The following SORBS2 variants were observed in gnomAD, a reference collection of about 807,000 sequenced individuals.
SORBS2 encodes the protein sorbin and SH3 domain containing 2.
A neutral mutation model predicts 97.7 loss-of-function variants in SORBS2; 46 were observed. The ratio of observed to expected loss-of-function variants is 0.47; its 90% CI spans 0.37 to 0.60. The LOEUF (loss-of-function observed/expected upper bound fraction) is 0.60. Ranked by LOEUF, SORBS2 falls within the 20% of genes least tolerant of loss-of-function variation. The pLI is 0.00. For missense variants in SORBS2, 1,316 were observed against 1,282.3 expected, an observed-to-expected ratio of 1.03 and a Z score of -0.40; for synonymous variants, 476 against 473.4, an observed-to-expected ratio of 1.01 and a Z score of -0.07.
chr4:185,909,404 G>T (rs1051338223), intron 1 of SORBS2, among the ~76,000 whole-genome samples: 2 of 152,222 alleles, frequency 1.3e-5, no homozygotes, highest in East Asian at 3.9e-4. Flanking sequence ...TGGGGAGGGG[G>T]TGGATGATGA....
At position 185,722,817 on chromosome 4, in the gene SORBS2, T is replaced by C. The variant is rs1029040718; in HGVS notation, c.-197-43995A>G. ...ACACTTTTAATGTCACCCAAAAGCC[T>C]ACCCAAAGTGCCCAGGAAAATAAAC... On this transcript the variant is annotated intron_variant, in intron 2 of 20. Transcript: ENST00000284776. Among the ~76,000 whole-genome samples, 10 of 152,356 alleles carry C rather than the reference T, an allele frequency of 6.6e-5. No individual in the cohort carries two copies. The South Asian group carries it at 2.1e-3, about 32-fold the overall frequency.
intron 2 of SORBS2, among the ~76,000 whole-genome samples, chr4:185,705,501 G>A (rs999630150): frequency 4.0e-5 from 6 of 151,740 alleles, no homozygotes; most frequent in East Asian, 1.9e-4. Context: ...AGCCAAGGTC[G>A]CGCCACTGTA....
rs1391967986 is a variant in SORBS2, at chr4:185,884,180, T to G, written c.-338+72016A>C. ...TATCTAAAATGGTTGAATTTTATTG[T>G]ACATAAATTATACCTCAATAAACCT... On this transcript the variant is annotated intron_variant, in intron 1 of 20. Transcript: ENST00000284776. Among the ~76,000 whole-genome samples, 15 of 152,248 alleles carry G rather than the reference T, an allele frequency of 9.9e-5. 1 individual carries two copies. The highest frequency in any genetic ancestry group is 9.8e-4 in the Admixed American group (15 of 15,284).
chr4:185,651,562 C>T (rs1581844813), intron 2 of SORBS2, among the ~76,000 whole-genome samples: 1 of 152,118 alleles, frequency 6.6e-6, no homozygotes, highest in East Asian at 1.9e-4. Context: ...GAGAATAAAC[C>T]AACAGTGGGA....
intron 2 of SORBS2, among the ~76,000 whole-genome samples, chr4:185,683,549 A>G (rs10022965): frequency 0.1 from 15,304 of 152,174 alleles, 845 homozygotes; most frequent in African/African-American, 0.14. Flanking sequence ...TTTTTCTAAC[A>G]CCTTTTTATG....
intron 4 of SORBS2, among the ~76,000 whole-genome samples, chr4:185,667,344 C>T (rs1237065658): frequency 6.6e-6 from 1 of 152,108 alleles, no homozygotes; most frequent in African/African-American, 2.4e-5. Flanking sequence ...TTCATAATGA[C>T]TGATGTCATG....
chr4:185,910,326 G>GA (rs1427059033), intron 1 of SORBS2, among the ~76,000 whole-genome samples: 1 of 152,106 alleles, frequency 6.6e-6, no homozygotes, highest in Non-Finnish European at 1.5e-5. Context: ...ATCTCTTACT[G>GA]AAAAGAAATG....
At chr4:185,636,453 T>A (rs903723747) in intron 4 of SORBS2, among the ~76,000 whole-genome samples, 2 of 152,158 alleles carry the variant, frequency 1.3e-5, no homozygotes, top group Non-Finnish European at 1.5e-5. Flanking sequence ...ATGGTCCATA[T>A]GCAAGTATAT....
intron 1 of SORBS2, among the ~76,000 whole-genome samples, chr4:185,850,875 A>T (rs1441022960): frequency 6.6e-6 from 1 of 152,148 alleles, no homozygotes; most frequent in African/African-American, 2.4e-5. Flanking sequence ...GCATCATCTC[A>T]TCTGTTGAGG....
chr4:185,644,368 G>T (rs969536863), intron 4 of SORBS2, among the ~76,000 whole-genome samples: 29 of 152,110 alleles, frequency 1.9e-4, no homozygotes, highest in African/African-American at 6.5e-4. Flanking sequence ...ACTACTTAGG[G>T]CCTAAGTTTC....
intron 4 of SORBS2, 48 bp from the exon 16 acceptor site, chr4:185,635,459 G>T: frequency 7.1e-7 from 1 of 1,416,208 alleles, no homozygotes; most frequent in Non-Finnish European, 1.0e-6. Flanking sequence ...ATGGAATGGA[G>T]GAGAGTCAAT....
At chr4:185,816,916 A>G (rs1235051529) in intron 1 of SORBS2, among the ~76,000 whole-genome samples, 2 of 152,242 alleles carry the variant, frequency 1.3e-5, no homozygotes, top group African/African-American at 4.8e-5. Flanking sequence ...CACTGTGTGT[A>G]GCCCATTAGT....
At chr4:185,674,944 TTATTAA>T (rs1367811662) in intron 4 of SORBS2, among the ~76,000 whole-genome samples, 1 of 152,232 alleles carries the variant, frequency 6.6e-6, no homozygotes, top group African/African-American at 2.4e-5. Flanking sequence ...ACTCCAGTTC[TTATTAA>T]TGCTTGCTCC....
At chr4:185,932,783 C>T (rs1013999292) in intron 1 of SORBS2, among the ~76,000 whole-genome samples, 2 of 152,208 alleles carry the variant, frequency 1.3e-5, no homozygotes, top group African/African-American at 4.8e-5. Context: ...CTATGACTTA[C>T]CCTCTGAAGA....
At chr4:185,951,904 A>G (rs890119588) in intron 1 of SORBS2, among the ~76,000 whole-genome samples, 2 of 152,242 alleles carry the variant, frequency 1.3e-5, no homozygotes, top group African/African-American at 4.8e-5. Flanking sequence ...CCAGGCAATC[A>G]TAAATTAGAA....
chr4:185,735,376 A>AT (rs71593648), intron 2 of SORBS2, among the ~76,000 whole-genome samples: 41,448 of 141,792 alleles, frequency 0.29, 6,474 homozygotes, highest in Non-Finnish European at 0.36. Context: ...AGAGTAAACT[A>AT]TTTTTTTTTT....
chr4:185,867,922 C>T (rs767298976), intron 1 of SORBS2, among the ~76,000 whole-genome samples: 1 of 152,070 alleles, frequency 6.6e-6, no homozygotes, highest in Non-Finnish European at 1.5e-5. Flanking sequence ...ATTCATAGCA[C>T]AAATAGTGTC....
intron 2 of SORBS2, among the ~76,000 whole-genome samples, chr4:185,754,287 C>G (rs1303297164): frequency 1.3e-5 from 2 of 152,140 alleles, no homozygotes; most frequent in Non-Finnish European, 2.9e-5. Context: ...ACAAACACCA[C>G]AGCCTACTTG....
At chr4:185,847,333 G>A (rs2099215111) in intron 1 of SORBS2, among the ~76,000 whole-genome samples, 1 of 152,162 alleles carries the variant, frequency 6.6e-6, no homozygotes, top group South Asian at 2.1e-4. Flanking sequence ...GACTGAATTG[G>A]TTTCCCTTTA....
Sources: gnomAD v4.1 joint callset for allele counts (sites outside exome capture counted in the v4.1 genomes callset) on GRCh38, gnomAD v4.1.1 for gene constraint, MANE v1.5 for transcripts, NCBI Gene and HGNC (gene_info 2026-07-23, HGNC 2026-07-21) for gene names.